Variants in ZDHHC13 observed in about 807,000 individuals in gnomAD.
ZDHHC13 encodes palmitoyltransferase ZDHHC13.
In ZDHHC13, 85 loss-of-function variants were observed where a neutral mutation model predicts 86.0. The ratio of observed to expected loss-of-function variants is 0.99; its 90% CI spans 0.83 to 1.18. The LOEUF is 1.18. ZDHHC13 is among the 50% of genes most tolerant of loss of function. ZDHHC13 has a pLI of 0.00. For synonymous variants in ZDHHC13, 263 were observed against 246.4 expected, an observed-to-expected ratio of 1.07 and a Z score of -0.63; for missense variants, 711 against 730.2, an observed-to-expected ratio of 0.97 and a Z score of 0.30.
At chr11:19,156,622 A>T (rs11607797) in intron 9 of ZDHHC13, among the ~76,000 whole-genome samples, 101,583 of 151,814 alleles carry the variant, frequency 0.67, 34,492 homozygotes, top group Admixed American at 0.76. Flanking sequence ...CTTCTCTCTT[A>T]CCTTTCTCAG....
Position 19,176,114 on chromosome 11 carries a change from C to T in ZDHHC13, c.*154C>T. 1 of 691,530 alleles carries T rather than the reference C, an allele frequency of 1.4e-6. No individual in the cohort carries two copies. Among genetic ancestry groups the T allele is most frequent in the Non-Finnish European group, 2.1e-6 (1 of 473,876 alleles). 42.8% of individuals were successfully genotyped at this position (691,530 alleles called of 1,614,324 possible). A position where few individuals can be genotyped will look rare whatever the true frequency, so the allele number is the denominator to read the frequency against. On this transcript the variant is annotated 3_prime_UTR_variant, in exon 17 of 17. Coordinates refer to ENST00000446113, the MANE Select transcript of ZDHHC13 (RefSeq NM_019028.3). ...AGGTAAAAAAAGTTCTCAATAAAGG[C>T]ATTACAATTTTTTAGGTTTAGAAAG...
At chr11:19,144,943 T>G (rs971306758) in intron 2 of ZDHHC13, among the ~76,000 whole-genome samples, 2 of 152,050 alleles carry the variant, frequency 1.3e-5, no homozygotes, top group Admixed American at 1.3e-4. Context: ...TGGTGAAACC[T>G]ATTAAAAATA....
Position 19,152,557 on chromosome 11 carries a change from AG to A in ZDHHC13, c.749del. 1 of 1,597,294 alleles carries A rather than the reference AG, an allele frequency of 6.3e-7. No homozygotes were observed. The highest frequency in any genetic ancestry group is 8.5e-7 in the Non-Finnish European group (1 of 1,174,666). ...AAACTTTTTACCCTACTCTTTTTTA[AG>A]GGAGAAACACCTCTTGATATGGCTC... is the stretch of plus-strand genomic sequence containing the variant. On this transcript the variant is annotated splice_acceptor_variant, in intron 7 of 16. Coordinates refer to ENST00000446113, the MANE Select transcript of ZDHHC13 (RefSeq NM_019028.3). LOFTEE classifies it high-confidence loss of function.
chr11:19,118,983 A>G (rs1848703205), intron 1 of ZDHHC13, among the ~76,000 whole-genome samples: 1 of 152,238 alleles, frequency 6.6e-6, no homozygotes, highest in African/African-American at 2.4e-5. Context: ...GTGATAAATT[A>G]GTGAACAAAA....
chr11:19,118,125 T>C (rs1199133732), intron 1 of ZDHHC13, among the ~76,000 whole-genome samples: 1 of 152,236 alleles, frequency 6.6e-6, no homozygotes, highest in Non-Finnish European at 1.5e-5. Context: ...ATATGCATTA[T>C]TTTATTCCAG....
chr11:19,141,023 A>G (rs1849304217), intron 1 of ZDHHC13, among the ~76,000 whole-genome samples: 1 of 151,804 alleles, frequency 6.6e-6, no homozygotes, highest in Non-Finnish European at 1.5e-5. Flanking sequence ...TATGTAACTA[A>G]CCTGCACATT....
At chr11:19,132,992 G>A (rs1849036032) in intron 1 of ZDHHC13, among the ~76,000 whole-genome samples, 1 of 151,778 alleles carries the variant, frequency 6.6e-6, no homozygotes, top group Non-Finnish European at 1.5e-5. Context: ...AATTTATAAG[G>A]GCTACCATTC....
rs577611670 is a variant in ZDHHC13 at position 19,149,433 on chromosome 11, G to A, written c.519+102G>A. ...TCTCATTTTTAAAGTGGAGGTTAAT[G>A]GATATCCAGATATTCAGATATTAGC... On this transcript the variant is annotated intron_variant, in intron 5 of 16. Coordinates refer to ENST00000446113, the MANE Select transcript of ZDHHC13 (RefSeq NM_019028.3). The A allele has an allele frequency of 5.9e-5, 70 of 1,178,814 alleles. 1 individual carries two copies. In the South Asian group the frequency reaches 1.5e-3, roughly 25 times the overall value. The allele number at this position is 1,178,814 out of a possible 1,614,324, so 73.0% of individuals were successfully genotyped here.
chr11:19,174,246 C>T (rs960310484), intron 16 of ZDHHC13, among the ~76,000 whole-genome samples: 12 of 152,190 alleles, frequency 7.9e-5, no homozygotes, highest in South Asian at 2.1e-4. Context: ...CTCCGCAGAA[C>T]GGCATGCAAG....
intron 2 of ZDHHC13, among the ~76,000 whole-genome samples, chr11:19,145,153 T>C (rs913585912): frequency 1.3e-5 from 2 of 152,208 alleles, no homozygotes; most frequent in South Asian, 2.1e-4. Flanking sequence ...CTCTTTATTC[T>C]CTATGAAATA....
intron 8 of ZDHHC13, among the ~76,000 whole-genome samples, chr11:19,153,128 G>C (rs969785938): frequency 6.6e-6 from 1 of 152,130 alleles, no homozygotes; most frequent in African/African-American, 2.4e-5. Flanking sequence ...AAAAATGATA[G>C]TGTTGAAAAT....
In ZDHHC13 at chr11:19,146,171, C is replaced by A. The variant is rs1475985996; in HGVS notation, c.174-10C>A. On this transcript the variant is annotated splice_polypyrimidine_tract_variant and intron_variant, in intron 2 of 16. Coordinates refer to ENST00000446113, the MANE Select transcript of ZDHHC13 (RefSeq NM_019028.3). ...TTGTATCAATTATGCTTTTTTTTTT[C>A]TTCTTTGAGATACGGAATTTTTGAA... The A allele has an allele frequency of 6.7e-7, 1 of 1,494,266 alleles. No homozygotes were observed. 92.6% of individuals were successfully genotyped at this position (1,494,266 alleles called of 1,614,324 possible).
At chr11:19,145,604 G>C (rs906430559) in intron 2 of ZDHHC13, among the ~76,000 whole-genome samples, 1 of 152,146 alleles carries the variant, frequency 6.6e-6, no homozygotes, top group Non-Finnish European at 1.5e-5. Context: ...TTATTTCTCT[G>C]AACATCCATG....
chr11:19,140,808 T>C (rs747650461), intron 1 of ZDHHC13, among the ~76,000 whole-genome samples: 5 of 151,564 alleles, frequency 3.3e-5, no homozygotes, highest in South Asian at 4.2e-4. Flanking sequence ...CAGTAAACTA[T>C]TGCAAGAACA....
At chr11:19,129,623 T>C (rs1382582028) in intron 1 of ZDHHC13, among the ~76,000 whole-genome samples, 1 of 152,180 alleles carries the variant, frequency 6.6e-6, no homozygotes, top group East Asian at 1.9e-4. Flanking sequence ...CATTGATTTA[T>C]TTTGAAATGT....
intron 1 of ZDHHC13, among the ~76,000 whole-genome samples, chr11:19,136,384 A>G (rs562216188): frequency 2.2e-4 from 33 of 152,276 alleles, no homozygotes; most frequent in African/African-American, 6.7e-4. Flanking sequence ...AAAAGAATAA[A>G]AAGAAACGAG....
intron 2 of ZDHHC13, 21 bp from the exon 3 acceptor site, chr11:19,146,160 C>CTTTTTTTTTTTTT: frequency 7.0e-7 from 1 of 1,429,726 alleles, no homozygotes; most frequent in Non-Finnish European, 9.4e-7. Flanking sequence ...ATCAATTATG[C>CTTTTTTTTTTTTT]TTTTTTTTTT....
At chr11:19,175,709 G>A in intron 16 of ZDHHC13, 113 bp from the exon 17 acceptor site, 1 of 1,284,028 alleles carries the variant, frequency 7.8e-7, no homozygotes, top group Admixed American at 2.5e-5. Flanking sequence ...ATCTACCCCT[G>A]GATTTCTGCA....
intron 1 of ZDHHC13, among the ~76,000 whole-genome samples, chr11:19,139,415 G>A (rs1160443219): frequency 1.3e-5 from 2 of 148,530 alleles, no homozygotes; most frequent in Non-Finnish European, 3.0e-5. Flanking sequence ...AAATAAAAGA[G>A]GATACAAACA....
Sources: allele counts gnomAD v4.1 joint callset (sites outside exome capture counted in the v4.1 genomes callset), GRCh38; gene constraint gnomAD v4.1.1; transcripts MANE v1.5; gene names NCBI Gene and HGNC (gene_info 2026-07-23, HGNC 2026-07-21).